Variants in CHODL observed in about 807,000 individuals in gnomAD.
The protein encoded by CHODL is transmembrane protein MT75.
A neutral mutation model predicts 34.5 loss-of-function variants in CHODL; 29 were observed. The ratio of observed to expected loss-of-function variants is 0.84; its 90% CI spans 0.63 to 1.15. The LOEUF is 1.15. Among genes scored for constraint, CHODL ranks in the 50% most tolerant of loss-of-function variants. CHODL has a pLI of 0.00. For synonymous variants in CHODL, 125 were observed against 116.1 expected (o/e 1.08, Z -0.49); for missense variants, 332 against 332.5 (o/e 1.00, Z 0.01).
chr21:17,965,218 TA>T (rs1036722540), intron 1 of CHODL, among the ~76,000 whole-genome samples: 3 of 152,156 alleles, frequency 2.0e-5, no homozygotes, highest in African/African-American at 7.2e-5. Flanking sequence ...GGTTTCTTCC[TA>T]AAACTTAGAA....
chr21:18,179,616 G>C (rs1026043018), intron 2 of CHODL, among the ~76,000 whole-genome samples: 1 of 152,134 alleles, frequency 6.6e-6, no homozygotes, highest in Non-Finnish European at 1.5e-5. Flanking sequence ...TCCTGTTCTT[G>C]TTGGTATGTA....
chr21:18,180,366 A>C (rs549682493), intron 2 of CHODL, among the ~76,000 whole-genome samples: 1 of 152,244 alleles, frequency 6.6e-6, no homozygotes, highest in Non-Finnish European at 1.5e-5. Flanking sequence ...GATGGACTCA[A>C]ACACGTGGGC....
chr21:18,258,999 G>A (rs1311630933), intron 3 of CHODL, among the ~76,000 whole-genome samples: 1 of 152,150 alleles, frequency 6.6e-6, no homozygotes, highest in Non-Finnish European at 1.5e-5. Context: ...CTGAAACCCA[G>A]AGGAGGCTAT....
rs531523742 is a variant in CHODL, at chr21:18,158,735, G to A, written c.-44-97774G>A. Among the ~76,000 whole-genome samples, 12 of 151,994 alleles carry A rather than the reference G, an allele frequency of 7.9e-5. No homozygotes were observed. In the South Asian group the frequency reaches 2.5e-3, roughly 32 times the overall value. On this transcript the variant is annotated intron_variant, in intron 2 of 6. Transcript: ENST00000400127. ...TGCCTGTAATCCCAGCTACTCGGGA[G>A]GCTGAGGCAGGAAAATCGCTTGAAC...
At chr21:18,201,865 C>T (rs113703330) in intron 2 of CHODL, among the ~76,000 whole-genome samples, 4,417 of 139,272 alleles carry the variant, frequency 0.032, 215 homozygotes, top group African/African-American at 0.11. Context: ...AGTGCAGTGG[C>T]GCGATCTCGG....
chr21:18,238,254 G>GC (rs1210532224), intron 2 of CHODL, among the ~76,000 whole-genome samples: 1 of 152,182 alleles, frequency 6.6e-6, no homozygotes, highest in East Asian at 1.9e-4. Context: ...TTTTCATGCT[G>GC]CTGATAAAGA....
chr21:17,983,784 A>G (rs1323972728), intron 1 of CHODL, among the ~76,000 whole-genome samples: 2 of 152,188 alleles, frequency 1.3e-5, no homozygotes, highest in African/African-American at 4.8e-5. Context: ...CACATATTTA[A>G]TGGGTACAAT....
intron 1 of CHODL, among the ~76,000 whole-genome samples, chr21:17,932,362 G>A (rs912293822): frequency 2.0e-5 from 3 of 152,198 alleles, no homozygotes; most frequent in Non-Finnish European, 4.4e-5. Flanking sequence ...TTGTGGGAAT[G>A]TAAATTAGTA....
intron 1 of CHODL, among the ~76,000 whole-genome samples, chr21:17,935,879 G>A (rs1372665691): frequency 6.6e-6 from 1 of 152,166 alleles, no homozygotes; most frequent in Non-Finnish European, 1.5e-5. Context: ...ACGAAGACAG[G>A]AGTGCATACA....
At chr21:18,013,956 G>A (rs558233668) in intron 1 of CHODL, among the ~76,000 whole-genome samples, 41 of 152,206 alleles carry the variant, frequency 2.7e-4, no homozygotes, top group South Asian at 6.2e-4. Flanking sequence ...CTTCTGATAA[G>A]ACTGTTAGGA....
In CHODL at chr21:18,070,731, G is replaced by T. The variant is rs143486710; in HGVS notation, c.-45+42760G>T. Among the ~76,000 whole-genome samples the T allele has an allele frequency of 1.5e-3, 224 of 152,150 alleles. 2 individuals carry two copies. Among genetic ancestry groups the T allele is most frequent in the African/African-American group, 5.2e-3 (215 of 41,508 alleles). ...AACTGACTCCCAATCAAAGAAGTGC[G>T]TTACATACCCCGTCCTCCACATGTC... On this transcript the variant is annotated intron_variant, in intron 2 of 6. Transcript: ENST00000400127.
At chr21:18,089,237 C>G (rs961329491) in intron 2 of CHODL, among the ~76,000 whole-genome samples, 2 of 152,142 alleles carry the variant, frequency 1.3e-5, no homozygotes, top group African/African-American at 4.8e-5. Context: ...TTACAGTTAG[C>G]AGTTTCCTCT....
intron 1 of CHODL, among the ~76,000 whole-genome samples, chr21:17,939,654 G>A (rs1458769489): frequency 6.6e-6 from 1 of 151,956 alleles, no homozygotes; most frequent in Admixed American, 6.6e-5. Context: ...TTCCTTCTCT[G>A]CCTCTTCTCT....
chr21:18,087,459 G>C (rs914103744), intron 2 of CHODL, among the ~76,000 whole-genome samples: 26 of 152,150 alleles, frequency 1.7e-4, no homozygotes, highest in African/African-American at 6.3e-4. Context: ...AAGCAAGCAG[G>C]GGGGCACGAA....
intron 2 of CHODL, among the ~76,000 whole-genome samples, chr21:18,102,108 A>G (rs1439877748): frequency 2.6e-5 from 4 of 152,262 alleles, no homozygotes; most frequent in Middle Eastern, 6.8e-3. Context: ...CTTCTTTGTA[A>G]CTTGCATTTT....
chr21:17,966,428 G>A (rs192590456), intron 1 of CHODL, among the ~76,000 whole-genome samples: 7 of 152,264 alleles, frequency 4.6e-5, no homozygotes, highest in Admixed American at 3.9e-4. Flanking sequence ...AAGAAAAATT[G>A]TTTGCCTTGC....
chr21:18,012,707 G>A (rs923752460), intron 1 of CHODL, among the ~76,000 whole-genome samples: 51 of 152,268 alleles, frequency 3.3e-4, no homozygotes, highest in African/African-American at 1.1e-3. Flanking sequence ...CTTCCACCAT[G>A]TAAGACCTCC....
At chr21:18,263,573 A>G (rs575577079) in intron 5 of CHODL, among the ~76,000 whole-genome samples, 5 of 152,188 alleles carry the variant, frequency 3.3e-5, no homozygotes, top group Non-Finnish European at 5.9e-5. Context: ...ACAAAATTCA[A>G]TATAATGAAA....
At chr21:17,994,164 T>C (rs1391054460) in intron 1 of CHODL, among the ~76,000 whole-genome samples, 2 of 152,122 alleles carry the variant, frequency 1.3e-5, no homozygotes, top group Admixed American at 1.3e-4. Context: ...TTTGTTCTTC[T>C]TGTTTATCTA....
Sources: gnomAD v4.1 joint callset for allele counts (sites outside exome capture counted in the v4.1 genomes callset) on GRCh38, gnomAD v4.1.1 for gene constraint, MANE v1.5 for transcripts, NCBI Gene and HGNC (gene_info 2026-07-23, HGNC 2026-07-21) for gene names.